The following SHANK2 variants were observed in gnomAD, a reference collection of about 807,000 sequenced individuals.
SHANK2 encodes SH3 and multiple ankyrin repeat domains protein 2.
Under a neutral mutation model 133.7 loss-of-function variants are expected in SHANK2, and 43 were observed. The ratio of observed to expected loss-of-function variants is 0.32; its 90% CI spans 0.25 to 0.41. The LOEUF (loss-of-function observed/expected upper bound fraction) is 0.41. Among genes scored for constraint, SHANK2 ranks in the 10% least tolerant of loss-of-function variants. SHANK2 has a pLI of 1.00. For synonymous variants in SHANK2, 1,017 were observed against 952.8 expected, an observed-to-expected ratio of 1.07 and a Z score of -1.24; for missense variants, 1,994 against 2,235.8, an observed-to-expected ratio of 0.89 and a Z score of 2.18.
chr11:70,561,508 C>G (rs1038402928), intron 17 of SHANK2, among the ~76,000 whole-genome samples: 1 of 151,762 alleles, frequency 6.6e-6, no homozygotes, highest in East Asian at 1.9e-4. Context: ...TTGCTGTGAG[C>G]TTAATCACTT....
intron 10 of SHANK2, among the ~76,000 whole-genome samples, chr11:70,919,866 C>T (rs537128306): frequency 1.3e-5 from 2 of 152,312 alleles, no homozygotes; most frequent in East Asian, 3.9e-4. Flanking sequence ...GCTTGTGGTG[C>T]TTAACATTAT....
At position 71,094,668 on chromosome 11, in the gene SHANK2, C is replaced by A. The variant is rs189053721; in HGVS notation, c.613G>T (p.Ala205Ser). 467 of 1,551,816 alleles carry A rather than the reference C, an allele frequency of 3.0e-4. 2 individuals are homozygous for A. In the South Asian group the frequency reaches 5.3e-3, roughly 17 times the overall value. The change falls in exon 7 of 26, where the codon GCT (alanine) becomes TCT (serine). Residue 205 changes from alanine (A) to serine (S), a missense_variant. This residue lies in a region of SHANK2 where 653 missense variants were observed against 563.4 expected (regional missense o/e 1.16). Transcript: ENST00000601538. ...ACCTCCACAGAGTCGTCCAGCTGAGCGGCTAAGGTCAGGGGGGTCTCTGAG... is the reference window on the plus strand; with the variant it reads ...ACCTCCACAGAGTCGTCCAGCTGAGAGGCTAAGGTCAGGGGGGTCTCTGAG... ...ETGETPLTLA[A>S]QLDDSVEVIK...
intron 11 of SHANK2, among the ~76,000 whole-genome samples, chr11:70,870,208 T>C (rs1174807341): frequency 6.6e-6 from 1 of 152,120 alleles, no homozygotes; most frequent in Non-Finnish European, 1.5e-5. Flanking sequence ...CAGAGTGTGC[T>C]CCACTTCGTT....
intron 14 of SHANK2, among the ~76,000 whole-genome samples, chr11:70,700,320 C>T (rs1210497546): frequency 1.3e-5 from 2 of 152,152 alleles, no homozygotes; most frequent in Non-Finnish European, 2.9e-5. Flanking sequence ...AGTTTAACTG[C>T]CATGACCACC....
rs553551855 is a variant in SHANK2 at position 70,559,717 on chromosome 11, C to T, written c.2062-56786G>A. 2.6e-4 allele frequency among the ~76,000 whole-genome samples: 40 copies of T among 152,158 alleles called. 2 individuals are homozygous for T. The highest frequency in any genetic ancestry group is 2.4e-3 in the Admixed American group (37 of 15,280). ...GCTGTCCTCCAAGGAGGACGTGCATCGTAACCTCTCCCCAAAACAGAAGAC... is the reference window on the plus strand; with the variant it reads ...GCTGTCCTCCAAGGAGGACGTGCATTGTAACCTCTCCCCAAAACAGAAGAC... On this transcript the variant is annotated intron_variant, in intron 17 of 25. Transcript: ENST00000601538.
At chr11:70,656,977 C>T (rs782341286) in intron 17 of SHANK2, among the ~76,000 whole-genome samples, 6 of 152,164 alleles carry the variant, frequency 3.9e-5, no homozygotes, top group African/African-American at 9.7e-5. Flanking sequence ...ATGGCCACGT[C>T]GGGGCATTCT....
intron 11 of SHANK2, among the ~76,000 whole-genome samples, chr11:70,833,245 G>A (rs10793347): frequency 0.84 from 127,203 of 152,332 alleles, 53,728 homozygotes; most frequent in African/African-American, 0.95. Flanking sequence ...GGTATTCCAT[G>A]CAGCCCACCT....
rs183096335 is a variant in SHANK2 at position 70,899,247 on chromosome 11, C to T, written c.1108-2680G>A. ...GAATCACGGGGGTGGTTTCCCCGTG[C>T]TGTTCTCGTGATAGTGAGTGAGTTC... On this transcript the variant is annotated intron_variant, in intron 10 of 25. Transcript: ENST00000601538. Among the ~76,000 whole-genome samples the T allele has an allele frequency of 3.6e-4, 55 of 152,220 alleles. 1 individual carries two copies. In the East Asian group the frequency reaches 5.6e-3, roughly 16 times the overall value.
intron 17 of SHANK2, among the ~76,000 whole-genome samples, chr11:70,592,611 C>T (rs782257696): frequency 1.3e-4 from 20 of 152,196 alleles, no homozygotes; most frequent in African/African-American, 4.6e-4. Context: ...CTGCACCCCC[C>T]GTTGAGGGCA....
Position 70,594,969 on chromosome 11 carries a change from G to A in SHANK2, c.2061+64859C>T, listed in dbSNP as rs1170271783. 2.0e-5 allele frequency among the ~76,000 whole-genome samples: 3 copies of A among 152,150 alleles called. No homozygotes were observed. The East Asian group carries it at 5.8e-4, about 29-fold the overall frequency. ...AAGTGACCCTGAACAAATGATGAGAGAAGGGCTTCAGGGCCGGGAGCCGGG... is the reference window on the plus strand; with the variant it reads ...AAGTGACCCTGAACAAATGATGAGAAAAGGGCTTCAGGGCCGGGAGCCGGG... On this transcript the variant is annotated intron_variant, in intron 17 of 25. Transcript: ENST00000601538.
rs201578144 is a variant in SHANK2 at position 70,777,519 on chromosome 11, T to TCATCCATCCATCCATC, written c.1777+20908_1777+20923dup. Among the ~76,000 whole-genome samples, 564 of 151,224 alleles carry TCATCCATCCATCCATC rather than the reference T, an allele frequency of 3.7e-3. 11 individuals are homozygous for TCATCCATCCATCCATC. Among genetic ancestry groups the TCATCCATCCATCCATC allele is most frequent in the African/African-American group, 0.013 (548 of 41,044 alleles). On this transcript the variant is annotated intron_variant, in intron 14 of 25. Transcript: ENST00000601538. ...TCCATCCTCCCACCTACCTATCCATTCATCCATCCATCCATCCATCCATCC... is the reference window on the plus strand; with the variant it reads ...TCCATCCTCCCACCTACCTATCCATTCATCCATCCATCCATCCATCCATCCATCCATCCATCCATCC...
At chr11:70,624,344 G>A (rs2060874855) in intron 17 of SHANK2, among the ~76,000 whole-genome samples, 1 of 152,020 alleles carries the variant, frequency 6.6e-6, no homozygotes, top group Non-Finnish European at 1.5e-5. Context: ...GTTCCCTGGT[G>A]CTCCCAAGGG....
intron 11 of SHANK2, among the ~76,000 whole-genome samples, chr11:70,885,379 C>T (rs1555073242): frequency 1.3e-5 from 2 of 152,268 alleles, no homozygotes; most frequent in East Asian, 1.9e-4. Context: ...ACCCAGAAGA[C>T]GGAAGGAGTC....
chr11:70,544,485 C>T (rs1446405644), intron 17 of SHANK2, among the ~76,000 whole-genome samples: 3 of 152,298 alleles, frequency 2.0e-5, no homozygotes, highest in Admixed American at 6.5e-5. Flanking sequence ...GAGTGACTGA[C>T]GGATCTCACT....
At chr11:70,547,581 A>G (rs574936539) in intron 17 of SHANK2, among the ~76,000 whole-genome samples, 5 of 152,218 alleles carry the variant, frequency 3.3e-5, no homozygotes, top group Non-Finnish European at 5.9e-5. Flanking sequence ...ACTTCTGTTC[A>G]GCTCTAGTCA....
chr11:70,777,161 A>C (rs987634373), intron 14 of SHANK2, among the ~76,000 whole-genome samples: 1 of 150,304 alleles, frequency 6.7e-6, no homozygotes, highest in Admixed American at 6.6e-5. Flanking sequence ...TTATCCATCC[A>C]CTCACTCACT....
intron 17 of SHANK2, among the ~76,000 whole-genome samples, chr11:70,548,872 T>G (rs1554977071): frequency 1.3e-5 from 2 of 152,056 alleles, no homozygotes; most frequent in African/African-American, 4.8e-5. Flanking sequence ...GGAGGCCAGG[T>G]GAACACTGAT....
intron 9 of SHANK2, among the ~76,000 whole-genome samples, chr11:71,073,148 T>TTTTTTTTTTTTTTTTTTTG (rs1951168105): frequency 3.0e-5 from 1 of 33,874 alleles, no homozygotes; most frequent in East Asian, 7.4e-4. Context: ...TTTTCTTTTC[T>TTTTTTTTTTTTTTTTTTTG]TTTTTTTCTT....
intron 9 of SHANK2, among the ~76,000 whole-genome samples, chr11:71,063,885 C>T (rs943123740): frequency 7.2e-5 from 11 of 152,308 alleles, no homozygotes; most frequent in African/African-American, 1.9e-4. Context: ...TCCTGGGGCT[C>T]GCACTGTGCC....
Sources: allele counts gnomAD v4.1 joint callset (sites outside exome capture counted in the v4.1 genomes callset), GRCh38; gene constraint gnomAD v4.1.1; regional missense constraint gnomAD v4.1.1; transcripts MANE v1.5; gene names NCBI Gene and HGNC (gene_info 2026-07-23, HGNC 2026-07-21).